CPEB3: variants seen among roughly 807,000 people sequenced by gnomAD.
CPEB3 encodes cytoplasmic polyadenylation element binding protein 3.
CPEB3 carries 20 observed loss-of-function variants against 67.2 expected under a neutral mutation model. The ratio of observed to expected loss-of-function variants is 0.30; its 90% confidence interval spans 0.21 to 0.43. The LOEUF (loss-of-function observed/expected upper bound fraction) is 0.43, where lower values mean the gene tolerates loss of function less well. Among genes scored for constraint, CPEB3 ranks in the 20% least tolerant of loss-of-function variants. The probability of loss-of-function intolerance (pLI) is 1.00; values close to 1 mark genes in which losing one functional copy is unlikely to be tolerated. For missense variants in CPEB3, 746 were observed against 968.6 expected (o/e 0.77, Z 3.05); for synonymous variants, 376 against 393.1 (o/e 0.96, Z 0.51).
chr10:92,228,095 C>T (rs1327808589), intron 2 of CPEB3, among the ~76,000 whole-genome samples: 3 of 151,784 alleles, frequency 2.0e-5, no homozygotes, highest in Admixed American at 6.6e-5. Flanking sequence ...ACCATGTTTG[C>T]CAGCCTGGTC....
At chr10:92,216,219 C>T (rs1439243710) in intron 2 of CPEB3, 2 of 946,048 alleles carry the variant, frequency 2.1e-6, no homozygotes, top group Admixed American at 2.7e-5. Flanking sequence ...GCACGGATCA[C>T]AAGGTCAAGA....
intron 6 of CPEB3, among the ~76,000 whole-genome samples, chr10:92,140,054 A>C (rs1443167723): frequency 1.4e-5 from 2 of 142,934 alleles, no homozygotes; most frequent in Non-Finnish European, 3.0e-5. Context: ...CCTGGGCAAC[A>C]GAGTGAGACT....
At chr10:92,263,163 C>T (rs1478432901) in intron 1 of CPEB3, among the ~76,000 whole-genome samples, 1 of 152,200 alleles carries the variant, frequency 6.6e-6, no homozygotes, top group African/African-American at 2.4e-5. Flanking sequence ...GCAACCTCCG[C>T]CTCCCAGGTT....
chr10:92,062,317 A>T (rs939698026), intron 9 of CPEB3, among the ~76,000 whole-genome samples: 3 of 152,130 alleles, frequency 2.0e-5, no homozygotes, highest in Admixed American at 6.6e-5. Context: ...TGCCAACAAA[A>T]ATAGAAAATA....
At chr10:92,186,803 A>G (rs1237116004) in intron 3 of CPEB3, among the ~76,000 whole-genome samples, 1 of 152,200 alleles carries the variant, frequency 6.6e-6, no homozygotes, top group Non-Finnish European at 1.5e-5. Flanking sequence ...GAGGGTACTT[A>G]TACAAATCAC....
chr10:92,140,624 A>T (rs1432917668), intron 6 of CPEB3, among the ~76,000 whole-genome samples: 69 of 150,324 alleles, frequency 4.6e-4, no homozygotes, highest in Non-Finnish European at 4.4e-4. Flanking sequence ...GCCAAAATTG[A>T]CAAATGGGAT....
chr10:92,090,120 T>C (rs1449155678), intron 8 of CPEB3, among the ~76,000 whole-genome samples: 1 of 152,248 alleles, frequency 6.6e-6, no homozygotes, highest in Admixed American at 6.5e-5. Flanking sequence ...TATAAACTTG[T>C]ATGTCTGTGA....
At position 92,143,131 on chromosome 10, in the gene CPEB3, G is replaced by A; in HGVS notation, c.1364-13C>T. 1 of 1,598,992 alleles carries A rather than the reference G, an allele frequency of 6.3e-7. No homozygotes were observed. The highest frequency in any genetic ancestry group is 1.7e-5 in the Admixed American group (1 of 58,860). ...GCAGTGATCTCATCTACAAAACAAAGAAAGAATCTTAGCAAAAGAGAAAAA... is the reference window on the plus strand; with the variant it reads ...GCAGTGATCTCATCTACAAAACAAAAAAAGAATCTTAGCAAAAGAGAAAAA... On this transcript the variant is annotated splice_polypyrimidine_tract_variant and intron_variant, in intron 5 of 9. Transcript: ENST00000265997.
At chr10:92,086,591 T>C (rs2133258378) in intron 8 of CPEB3, among the ~76,000 whole-genome samples, 3 of 152,282 alleles carry the variant, frequency 2.0e-5, no homozygotes, top group Non-Finnish European at 4.4e-5. Flanking sequence ...ACTTACAATC[T>C]CACAGGGTCA....
At chr10:92,106,543 G>A (rs1011724473) in intron 7 of CPEB3, among the ~76,000 whole-genome samples, 3 of 152,012 alleles carry the variant, frequency 2.0e-5, no homozygotes, top group Admixed American at 6.6e-5. Context: ...GGCCAGGTGC[G>A]GTGGCTCACG....
Position 92,198,017 on chromosome 10 carries a change from A to C in CPEB3, c.1006-5381T>G, listed in dbSNP as rs1172078396. Among the ~76,000 whole-genome samples, 6 of 152,194 alleles carry C rather than the reference A, an allele frequency of 3.9e-5. No individual in the cohort carries two copies. The East Asian group carries it at 1.2e-3, about 29-fold the overall frequency. ...GCTACTTGGGAGGCTGAAGCAGGAG[A>C]ATCGCTTGAACCCAGGAGGCGGAGG... On this transcript the variant is annotated intron_variant, in intron 2 of 9. Transcript: ENST00000265997.
chr10:92,156,371 T>C lies in CPEB3; in HGVS notation c.1223-11286A>G, dbSNP rs187727599. On this transcript the variant is annotated intron_variant, in intron 4 of 9. Coordinates refer to ENST00000265997, the MANE Select transcript of CPEB3 (RefSeq NM_014912.5). ...GGTGAAAGAGGCAGAAGCCAGATCA[T>C]GGGGACCCTGAATTGAGAATGGGGA... Among the ~76,000 whole-genome samples the C allele has an allele frequency of 1.4e-3, 216 of 152,260 alleles. 1 individual carries two copies. The highest frequency in any genetic ancestry group is 2.4e-3 in the Non-Finnish European group (161 of 68,008).
intron 1 of CPEB3, among the ~76,000 whole-genome samples, chr10:92,278,342 A>C (rs1318214730): frequency 6.6e-6 from 1 of 152,206 alleles, no homozygotes; most frequent in African/African-American, 2.4e-5. Flanking sequence ...GCCATCTTAA[A>C]AATGTTAAAT....
At chr10:92,188,150 T>C (rs1181613946) in intron 3 of CPEB3, among the ~76,000 whole-genome samples, 1 of 151,790 alleles carries the variant, frequency 6.6e-6, no homozygotes, top group Non-Finnish European at 1.5e-5. Flanking sequence ...GAGCCAAGAT[T>C]GTGCCACTGC....
intron 6 of CPEB3, among the ~76,000 whole-genome samples, chr10:92,139,447 T>C (rs961749238): frequency 6.6e-6 from 1 of 151,576 alleles, no homozygotes; most frequent in Non-Finnish European, 1.5e-5. Flanking sequence ...AACTTCCCAT[T>C]GTCTCATGCA....
At chr10:92,056,145 C>G (rs981609978) in intron 9 of CPEB3, among the ~76,000 whole-genome samples, 20 of 152,184 alleles carry the variant, frequency 1.3e-4, no homozygotes, top group African/African-American at 4.8e-4. Context: ...GGTGCTGTCC[C>G]TGCAGAGCTG....
intron 8 of CPEB3, among the ~76,000 whole-genome samples, chr10:92,089,443 C>G (rs954820452): frequency 6.6e-6 from 1 of 151,990 alleles, no homozygotes. Flanking sequence ...ATCCACATAA[C>G]TATAAAAACA....
At chr10:92,241,465 T>C (rs1172190887) in intron 1 of CPEB3, among the ~76,000 whole-genome samples, 1 of 152,154 alleles carries the variant, frequency 6.6e-6, no homozygotes, top group African/African-American at 2.4e-5. Context: ...CTCTTATCAC[T>C]AGTATTAGCA....
intron 3 of CPEB3, among the ~76,000 whole-genome samples, chr10:92,189,181 A>G (rs1848840049): frequency 6.6e-6 from 1 of 152,208 alleles, no homozygotes; most frequent in African/African-American, 2.4e-5. Context: ...TTTTTACATC[A>G]TTCAGATTTA....
Sources: allele counts gnomAD v4.1 joint callset (sites outside exome capture counted in the v4.1 genomes callset), GRCh38; gene constraint gnomAD v4.1.1; transcripts MANE v1.5; gene names NCBI Gene and HGNC (gene_info 2026-07-23, HGNC 2026-07-21).